The following CD164 variants were observed in gnomAD, a reference collection of about 807,000 sequenced individuals.
The protein encoded by CD164 is CD164 molecule.
CD164 carries 11 observed loss-of-function variants against 24.6 expected under a neutral mutation model. That is an observed-to-expected ratio of 0.45 (90% CI 0.28 to 0.74). CD164 has a LOEUF of 0.74. Ranked by LOEUF, CD164 falls within the 30% of genes least tolerant of loss-of-function variation. CD164 has a pLI of 0.13. For missense variants in CD164, 295 were observed against 243.7 expected (o/e 1.21, Z -1.40); for synonymous variants, 126 against 100.3 (o/e 1.26, Z -1.53).
At chr6:109,374,145 TAG>T (rs1464228260) in intron 4 of CD164, among the ~76,000 whole-genome samples, 1 of 152,172 alleles carries the variant, frequency 6.6e-6, no homozygotes, top group Admixed American at 6.5e-5. Flanking sequence ...TACTGTTTCC[TAG>T]AGTCTGGTCT....
rs779393112 is a variant in CD164, at chr6:109,368,269, T to C, written c.*582A>G. ...AACAATAATCTGTTATACACACTAA[T>C]GGTATCCTTTCATTTCTTTAAATCT... On this transcript the variant is annotated 3_prime_UTR_variant, in exon 6 of 6. Coordinates refer to ENST00000310786, the MANE Select transcript of CD164 (RefSeq NM_006016.6). 9.0e-5 allele frequency: 138 copies of C among 1,540,658 alleles called. 4 individuals carry two copies. In the Middle Eastern group the frequency reaches 0.011, roughly 121 times the overall value.
chr6:109,370,480 CA>C lies in CD164; in HGVS notation c.371-14del, dbSNP rs758864122. On this transcript the variant is annotated splice_polypyrimidine_tract_variant and intron_variant, in intron 4 of 5. Transcript: ENST00000310786. Reference sequence around the variant, plus strand: ...ACTGTGGGTTTAGCTGGAATGAAAACAAAATGTCTTTTTAAAAAACCTTAAA... The same window carrying C: ...ACTGTGGGTTTAGCTGGAATGAAAACAAATGTCTTTTTAAAAAACCTTAAA... The C allele has an allele frequency of 2.6e-5, 42 of 1,607,088 alleles. No individual in the cohort carries two copies. Among genetic ancestry groups the C allele is most frequent in the Non-Finnish European group, 3.5e-5 (41 of 1,176,558 alleles).
chr6:109,381,488 A>T (rs1582495755), intron 1 of CD164: 1 of 702,134 alleles, frequency 1.4e-6, no homozygotes, highest in East Asian at 2.7e-5. Flanking sequence ...TCTACCTCCT[A>T]GGTTTCACTA....
chr6:109,380,675 A>C (rs1771687403), intron 1 of CD164, among the ~76,000 whole-genome samples: 1 of 152,252 alleles, frequency 6.6e-6, no homozygotes, highest in South Asian at 2.1e-4. Context: ...TGTTCTTTAC[A>C]ATGAACTAAA....
At chr6:109,378,127 G>A (rs918941528) in intron 2 of CD164, among the ~76,000 whole-genome samples, 156 bp from the exon 3 acceptor site, 1 of 152,170 alleles carries the variant, frequency 6.6e-6, no homozygotes, top group African/African-American at 2.4e-5. Flanking sequence ...TAAACCCACA[G>A]ACCAAACCCT....
Position 109,382,215 on chromosome 6 carries a change from G to A in CD164, c.164C>T (p.Thr55Ile). ...GGGCCCGCGCCCACCTGGTGCCGGA[G>A]TGGTGACCAGCGGGAGGGACGTCAC... is the stretch of plus-strand genomic sequence containing the variant. ...APVTSLPLVT[T>I]PAPETCEGRN... The change falls in exon 1 of 6, where the codon ACT becomes ATT. Residue 55 changes from threonine (T) to isoleucine (I), a missense_variant. Coordinates refer to ENST00000310786, the MANE Select transcript of CD164 (RefSeq NM_006016.6). The A allele has an allele frequency of 1.3e-6, 2 of 1,569,314 alleles. No homozygotes were observed. Among genetic ancestry groups the A allele is most frequent in the Non-Finnish European group, 1.7e-6 (2 of 1,163,002 alleles).
chr6:109,375,011 T>C lies in CD164; in HGVS notation c.370+1063A>G, dbSNP rs545532347. Among the ~76,000 whole-genome samples, 6 of 152,318 alleles carry C rather than the reference T, an allele frequency of 3.9e-5. No homozygotes were observed. In the South Asian group the frequency reaches 1.0e-3, roughly 26 times the overall value. ...TGTCTTGGAATAGACGCATTTAATA[T>C]TGGTAAAATGTTAAGTATTTAATAT... is the stretch of plus-strand genomic sequence containing the variant. On this transcript the variant is annotated intron_variant, in intron 4 of 5. Coordinates refer to ENST00000310786, the MANE Select transcript of CD164 (RefSeq NM_006016.6).
intron 2 of CD164, 103 bp downstream of exon 2, chr6:109,379,476 G>A: frequency 1.2e-6 from 1 of 838,456 alleles, no homozygotes. Flanking sequence ...AAAATAAATA[G>A]TGCACAATAT....
intron 1 of CD164, 60 bp downstream of exon 1, chr6:109,382,144 G>A (rs547645745): frequency 4.5e-6 from 6 of 1,327,496 alleles, no homozygotes; most frequent in Admixed American, 3.2e-5. Flanking sequence ...CGCACGGCGA[G>A]GAGGCAGTGC....
At chr6:109,379,283 G>C (rs1771599900) in intron 2 of CD164, among the ~76,000 whole-genome samples, 1 of 151,632 alleles carries the variant, frequency 6.6e-6, no homozygotes, top group East Asian at 2.0e-4. Context: ...AAGGTTGGAG[G>C]ATTGCTTGAG....
rs971421409 is a variant in CD164 at position 109,367,757 on chromosome 6, G to A, written c.*1094C>T. On this transcript the variant is annotated 3_prime_UTR_variant, in exon 6 of 6. Coordinates refer to ENST00000310786, the MANE Select transcript of CD164 (RefSeq NM_006016.6). ...AATGATTGTCTCATTTAAAATAAATGATTCTAAAATAATATGATTGTCTCA... is the reference window on the plus strand; with the variant it reads ...AATGATTGTCTCATTTAAAATAAATAATTCTAAAATAATATGATTGTCTCA... 2.0e-5 allele frequency: 3 copies of A among 152,534 alleles called. No individual in the cohort carries two copies. The South Asian group carries it at 6.2e-4, about 32-fold the overall frequency. The allele number at this position is 152,534 out of a possible 1,614,324, so 9.4% of individuals were successfully genotyped here. A position where few individuals can be genotyped will look rare whatever the true frequency, so the allele number is the denominator to read the frequency against.
In CD164 at chr6:109,370,436, T is replaced by C. The variant is rs9480941; in HGVS notation, c.402A>G (p.Thr134=). 2.9e-3 allele frequency: 4,663 copies of C among 1,613,314 alleles called. 125 individuals carry two copies. In the African/African-American group the frequency reaches 0.055, roughly 19 times the overall value. The change falls in exon 5 of 6, where the codon ACA becomes ACG. Residue 134 remains threonine, a synonymous_variant. Transcript: ENST00000310786. The part of the protein sequence containing the change: ...AKPTVQPSPS[T]TSKTVTTSGT... ...CTGATGTAGTAACTGTCTTGGAAGTTGTAGAAGGGGAGGGCTGAACTGTGG... is the reference window on the plus strand; with the variant it reads ...CTGATGTAGTAACTGTCTTGGAAGTCGTAGAAGGGGAGGGCTGAACTGTGG...
rs1435621321 is a variant in CD164, at chr6:109,367,744, A to G, written c.*1107T>C. ...TCTTAAAACTTAAAATGATTGTCTC[A>G]TTTAAAATAAATGATTCTAAAATAA... On this transcript the variant is annotated 3_prime_UTR_variant, in exon 6 of 6. Transcript: ENST00000310786. 1 of 152,604 alleles carries G rather than the reference A, an allele frequency of 6.6e-6. No homozygotes were observed. Among genetic ancestry groups the G allele is most frequent in the Non-Finnish European group, 1.5e-5 (1 of 68,016 alleles). 9.5% of individuals were successfully genotyped at this position (152,604 alleles called of 1,614,324 possible).
intron 3 of CD164, among the ~76,000 whole-genome samples, 169 bp from the exon 4 acceptor site, chr6:109,376,281 C>G (rs1483269007): frequency 6.6e-6 from 1 of 152,228 alleles, no homozygotes; most frequent in Non-Finnish European, 1.5e-5. Context: ...ATACCAGTCT[C>G]TTCTTTAGAA....
At chr6:109,379,484 T>C in intron 2 of CD164, 95 bp downstream of exon 2, 1 of 903,078 alleles carries the variant, frequency 1.1e-6, no homozygotes, top group South Asian at 1.6e-5. Flanking sequence ...TAGTGCACAA[T>C]ATCCTAAATG....
At chr6:109,380,222 T>A (rs1158704236) in intron 1 of CD164, 1 of 152,208 alleles carries the variant, frequency 6.6e-6, no homozygotes, top group Non-Finnish European at 1.5e-5. Flanking sequence ...GGAGACAACA[T>A]CTAAAAGCCC....
In CD164 at chr6:109,367,413, AAAT is replaced by A. The variant is rs1354491279; in HGVS notation, c.*1435_*1437del. 6.6e-6 allele frequency: 1 copy of A among 152,334 alleles called. No individual in the cohort carries two copies. Among genetic ancestry groups the A allele is most frequent in the African/African-American group, 2.4e-5 (1 of 41,458 alleles). 9.4% of individuals were successfully genotyped at this position (152,334 alleles called of 1,614,324 possible). A position where few individuals can be genotyped will look rare whatever the true frequency, so the allele number is the denominator to read the frequency against. ...TCAGCCACTATTGGCTAAAGAAACT[AAAT>A]AAAAAACGTTAATGACCTAGAAAAG... On this transcript the variant is annotated 3_prime_UTR_variant, in exon 6 of 6. Transcript: ENST00000310786.
At chr6:109,374,217 A>G (rs781088707) in intron 4 of CD164, among the ~76,000 whole-genome samples, 5 of 151,906 alleles carry the variant, frequency 3.3e-5, no homozygotes, top group Non-Finnish European at 5.9e-5. Context: ...GCCTATGCCT[A>G]TTTATATTTT....
rs531321731 is a variant in CD164 at position 109,382,420 on chromosome 6, C to T, written c.-42G>A. 5.4e-6 allele frequency: 8 copies of T among 1,468,042 alleles called. No individual in the cohort carries two copies. The highest frequency in any genetic ancestry group is 1.4e-5 in the African/African-American group (1 of 70,024). The allele number at this position is 1,468,042 out of a possible 1,614,324, so 90.9% of individuals were successfully genotyped here. On this transcript the variant is annotated 5_prime_UTR_variant, in exon 1 of 6. Coordinates refer to ENST00000310786, the MANE Select transcript of CD164 (RefSeq NM_006016.6). Reference sequence around the variant, plus strand: ...GCGTTCGGGAGAAAGCTAAGGCTCGCAACGCTCAGTCAACCCCTCAATCCC... The same window carrying T: ...GCGTTCGGGAGAAAGCTAAGGCTCGTAACGCTCAGTCAACCCCTCAATCCC...
Sources: gnomAD v4.1 joint callset for allele counts (sites outside exome capture counted in the v4.1 genomes callset) on GRCh38, gnomAD v4.1.1 for gene constraint, MANE v1.5 for transcripts, NCBI Gene and HGNC (gene_info 2026-07-23, HGNC 2026-07-21) for gene names.